GPHN: variants seen among roughly 807,000 people sequenced by gnomAD.
The protein encoded by GPHN is gephyrin.
GPHN carries 17 observed loss-of-function variants against 95.5 expected under a neutral mutation model. The observed-to-expected ratio is 0.18, with a 90% confidence interval of 0.12 to 0.27. The LOEUF (loss-of-function observed/expected upper bound fraction) is 0.27, where lower values mean the gene tolerates loss of function less well. Among genes scored for constraint, GPHN ranks in the 10% least tolerant of loss-of-function variants. The probability of loss-of-function intolerance (pLI) is 1.00; values close to 1 mark genes in which losing one functional copy is unlikely to be tolerated. For missense variants in GPHN, 660 were observed against 978.1 expected, an observed-to-expected ratio of 0.67 and a Z score of 4.34; for synonymous variants, 320 against 322.5, an observed-to-expected ratio of 0.99 and a Z score of 0.08.
chr14:67,332,103 G>C, the GPHN span, among the ~76,000 whole-genome samples: 2 of 152,206 alleles, frequency 1.3e-5, no homozygotes, highest in Admixed American at 1.3e-4. Context: ...TTTGTCTTGA[G>C]TTTAAGTTAG....
chr14:67,734,783 C>A, the GPHN span, among the ~76,000 whole-genome samples: 1 of 152,232 alleles, frequency 6.6e-6, no homozygotes, highest in Non-Finnish European at 1.5e-5. Flanking sequence ...CACTCTTCCC[C>A]TTGAGTTTTA....
chr14:67,538,385 A>G, the GPHN span, among the ~76,000 whole-genome samples: 3 of 152,200 alleles, frequency 2.0e-5, no homozygotes, highest in East Asian at 5.8e-4. Flanking sequence ...ATTGTGACTA[A>G]TTGTGTTCGT....
At chr14:66,936,347 C>G (rs1214914684) in intron 8 of GPHN, among the ~76,000 whole-genome samples, 1 of 151,492 alleles carries the variant, frequency 6.6e-6, no homozygotes, top group South Asian at 2.1e-4. Flanking sequence ...CCATTGCACT[C>G]TATCCTGGGT....
chr14:67,387,499 C>T, the GPHN span: 1 of 1,586,686 alleles, frequency 6.3e-7, no homozygotes, highest in Non-Finnish European at 8.6e-7. Context: ...ATTGAATAGC[C>T]ATGTCTGCTT....
At chr14:67,086,482 T>C (rs2076890034) in intron 11 of GPHN, among the ~76,000 whole-genome samples, 1 of 150,890 alleles carries the variant, frequency 6.6e-6, no homozygotes, top group Non-Finnish European at 1.5e-5. Flanking sequence ...AAACCCCGTC[T>C]CTACTAAAAA....
the GPHN span, among the ~76,000 whole-genome samples, chr14:67,372,039 G>A: frequency 6.6e-6 from 1 of 151,374 alleles, no homozygotes; most frequent in East Asian, 1.9e-4. Context: ...CCTAGGTGGG[G>A]GGATCACTTG....
chr14:66,621,110 A>G (rs1289396428), intron 1 of GPHN, among the ~76,000 whole-genome samples: 1 of 149,528 alleles, frequency 6.7e-6, no homozygotes, highest in African/African-American at 2.5e-5. Flanking sequence ...GACTACAAGC[A>G]TCCACCACCA....
chr14:66,616,204 A>G (rs1010903927), intron 1 of GPHN, among the ~76,000 whole-genome samples: 1 of 123,752 alleles, frequency 8.1e-6, no homozygotes, highest in Non-Finnish European at 1.6e-5. Flanking sequence ...CTTTGATTCC[A>G]TATGAAATTT....
intron 1 of GPHN, among the ~76,000 whole-genome samples, chr14:66,662,361 C>A (rs1416856674): frequency 1.3e-5 from 2 of 152,064 alleles, no homozygotes; most frequent in African/African-American, 4.8e-5. Context: ...ACTGGTGATA[C>A]CCTCAGGTAC....
intron 1 of GPHN, among the ~76,000 whole-genome samples, chr14:66,529,586 C>T (rs1163488056): frequency 6.6e-6 from 1 of 152,098 alleles, no homozygotes; most frequent in Non-Finnish European, 1.5e-5. Flanking sequence ...GCTGGTTTCT[C>T]CCTATCTTTG....
the GPHN span, among the ~76,000 whole-genome samples, chr14:67,319,740 G>C: frequency 6.6e-6 from 1 of 152,188 alleles, no homozygotes; most frequent in Non-Finnish European, 1.5e-5. Context: ...GGACGAGCTT[G>C]AACTATAGGA....
At chr14:67,026,629 AT>A (rs576350473) in intron 10 of GPHN, among the ~76,000 whole-genome samples, 2 of 150,994 alleles carry the variant, frequency 1.3e-5, no homozygotes, top group Non-Finnish European at 1.5e-5. Flanking sequence ...TATAGCCCAC[AT>A]TTTTTTTTGT....
At chr14:67,042,222 C>T (rs1217239413) in intron 10 of GPHN, among the ~76,000 whole-genome samples, 3 of 152,008 alleles carry the variant, frequency 2.0e-5, no homozygotes, top group African/African-American at 7.2e-5. Flanking sequence ...TGCAGAAGCT[C>T]TTTAGTTTAA....
At chr14:66,788,067 G>A (rs2059843534) in intron 3 of GPHN, among the ~76,000 whole-genome samples, 1 of 152,162 alleles carries the variant, frequency 6.6e-6, no homozygotes, top group African/African-American at 2.4e-5. Flanking sequence ...CAGTGGCACA[G>A]TCCTGTAATC....
intron 3 of GPHN, among the ~76,000 whole-genome samples, chr14:66,783,908 G>A (rs530889827): frequency 6.6e-6 from 1 of 152,146 alleles, no homozygotes; most frequent in Non-Finnish European, 1.5e-5. Context: ...CGACATGGGG[G>A]ACATCTGCTA....
At chr14:66,869,358 C>T (rs899892146) in intron 4 of GPHN, among the ~76,000 whole-genome samples, 8 of 152,142 alleles carry the variant, frequency 5.3e-5, no homozygotes, top group African/African-American at 1.7e-4. Context: ...TTCTAATAAA[C>T]AGGTATCTTT....
At chr14:67,180,046 G>T (rs2083244282) in intron 22 of GPHN, among the ~76,000 whole-genome samples, 1 of 152,170 alleles carries the variant, frequency 6.6e-6, no homozygotes, top group Non-Finnish European at 1.5e-5. Flanking sequence ...TGAGATGAAA[G>T]CCCAATTTAT....
intron 1 of GPHN, among the ~76,000 whole-genome samples, chr14:66,635,671 A>G (rs1045165812): frequency 6.6e-6 from 1 of 152,188 alleles, no homozygotes; most frequent in Non-Finnish European, 1.5e-5. Context: ...ACAACGACGA[A>G]AAAGCAAATA....
chr14:67,201,887 T>C, the GPHN span: 1 of 178,950 alleles, frequency 5.6e-6, no homozygotes, highest in East Asian at 1.7e-4. Context: ...CATCCTCCAG[T>C]CTCTTCTTCT....
Sources: gnomAD v4.1 joint callset for allele counts (sites outside exome capture counted in the v4.1 genomes callset) on GRCh38, gnomAD v4.1.1 for gene constraint, MANE v1.5 for transcripts, NCBI Gene and HGNC (gene_info 2026-07-23, HGNC 2026-07-21) for gene names.